The following LARS2 variants were observed in gnomAD, a reference collection of about 807,000 sequenced individuals.
The protein encoded by LARS2 is leucyl-tRNA synthetase 2, mitochondrial, also known as leucine--tRNA ligase, mitochondrial.
Under a neutral mutation model 116.6 loss-of-function variants are expected in LARS2, and 81 were observed. The ratio of observed to expected loss-of-function variants is 0.69; its 90% CI spans 0.58 to 0.84. The LOEUF (loss-of-function observed/expected upper bound fraction) is 0.84, where lower values mean the gene tolerates loss of function less well. Ranked by LOEUF, LARS2 falls within the 40% of genes least tolerant of loss-of-function variation. The pLI, the probability that LARS2 is intolerant of heterozygous loss-of-function variation, is 0.00. For missense variants in LARS2, 968 were observed against 1,114.5 expected (o/e 0.87, Z 1.87); for synonymous variants, 396 against 407.2 (o/e 0.97, Z 0.33).
chr3:45,402,739 T>A (rs1268364275), intron 4 of LARS2, among the ~76,000 whole-genome samples: 1 of 152,218 alleles, frequency 6.6e-6, no homozygotes, highest in Non-Finnish European at 1.5e-5. Context: ...AGGGTGTTTG[T>A]CTCTCTGGTT....
At chr3:45,398,806 G>A (rs1316488310) in intron 3 of LARS2, among the ~76,000 whole-genome samples, 2 of 152,180 alleles carry the variant, frequency 1.3e-5, no homozygotes, top group African/African-American at 2.4e-5. Flanking sequence ...TGGCACTGGG[G>A]GCAGACGTGG....
chr3:45,531,503 A>G (rs557582504), intron 20 of LARS2, among the ~76,000 whole-genome samples: 17 of 151,850 alleles, frequency 1.1e-4, no homozygotes, highest in Non-Finnish European at 1.9e-4. Flanking sequence ...TCAGCCTCCC[A>G]AGTAGCTGGG....
chr3:45,417,382 G>A, intron 4 of LARS2, 100 bp from the exon 5 acceptor site: 1 of 865,524 alleles, frequency 1.2e-6, no homozygotes, highest in South Asian at 1.5e-5. Context: ...CAAAAGATAA[G>A]GCATGTTAGC....
chr3:45,532,797 A>G (rs1162894786), intron 20 of LARS2, among the ~76,000 whole-genome samples: 1 of 152,064 alleles, frequency 6.6e-6, no homozygotes, highest in Non-Finnish European at 1.5e-5. Flanking sequence ...ACGTGCCACC[A>G]TGCCCGGCTA....
chr3:45,466,637 CTTA>C (rs1575272986), intron 8 of LARS2, among the ~76,000 whole-genome samples: 1 of 152,142 alleles, frequency 6.6e-6, no homozygotes, highest in Admixed American at 6.5e-5. Context: ...CAGCCCACAT[CTTA>C]TTATATAATT....
intron 15 of LARS2, among the ~76,000 whole-genome samples, chr3:45,508,747 T>C (rs1700235231): frequency 6.6e-6 from 1 of 152,108 alleles, no homozygotes; most frequent in South Asian, 2.1e-4. Context: ...ATTCCTTGTA[T>C]ATAGTGATTT....
intron 21 of LARS2, among the ~76,000 whole-genome samples, chr3:45,543,105 C>T (rs557652064): frequency 6.6e-6 from 1 of 152,334 alleles, no homozygotes; most frequent in Non-Finnish European, 1.5e-5. Context: ...GCCCCTTTGT[C>T]TCTGCACCAA....
chr3:45,462,037 G>C (rs1699334299), intron 8 of LARS2, among the ~76,000 whole-genome samples: 1 of 152,204 alleles, frequency 6.6e-6, no homozygotes, highest in Non-Finnish European at 1.5e-5. Context: ...AGTTAGTGAA[G>C]AAGTCCTGCT....
Position 45,547,405 on chromosome 3 carries a change from C to T in LARS2, c.2587C>T (p.Gln863Ter), listed in dbSNP as rs774649430. ...IPVPQQVARDQDKVHEFVLQS... is the reference protein window; with the variant it reads ...IPVPQQVARD ...TGTGCCCCAACAAGTTGCCCGGGAC[C>T]AGGACAAAGTCCACGAATTTGTTCT... Residue 863 changes from glutamine (Q) to a stop codon, truncating the protein, a stop_gained, in exon 22 of 22, where the codon CAG (glutamine) becomes TAG (stop). Coordinates refer to ENST00000645846, the MANE Select transcript of LARS2 (RefSeq NM_015340.4). LOFTEE classifies it high-confidence loss of function. 2 of 1,613,502 alleles carry T rather than the reference C, an allele frequency of 1.2e-6. No homozygotes were observed. Among genetic ancestry groups the T allele is most frequent in the Non-Finnish European group, 1.7e-6 (2 of 1,179,794 alleles).
At chr3:45,512,893 T>TG (rs1700310140) in intron 15 of LARS2, among the ~76,000 whole-genome samples, 1 of 152,184 alleles carries the variant, frequency 6.6e-6, no homozygotes, top group Admixed American at 6.5e-5. Flanking sequence ...GGCTCACACC[T>TG]GTAATCCCAG....
At chr3:45,439,770 C>T (rs550997776) in intron 6 of LARS2, among the ~76,000 whole-genome samples, 71 of 151,922 alleles carry the variant, frequency 4.7e-4, no homozygotes, top group Non-Finnish European at 8.2e-4. Flanking sequence ...GCATAGTGGT[C>T]GGAGTACCCT....
At chr3:45,436,029 A>G (rs1285239149) in intron 6 of LARS2, among the ~76,000 whole-genome samples, 2 of 152,154 alleles carry the variant, frequency 1.3e-5, no homozygotes, top group African/African-American at 4.8e-5. Flanking sequence ...TGATTTTTCC[A>G]AGTTTAGAGT....
intron 10 of LARS2, among the ~76,000 whole-genome samples, chr3:45,479,404 C>T (rs780252209): frequency 6.6e-6 from 1 of 151,862 alleles, no homozygotes; most frequent in Non-Finnish European, 1.5e-5. Context: ...AAAGAGATGG[C>T]GAGGCCCCCA....
At chr3:45,427,576 T>TA (rs1698615147) in intron 6 of LARS2, among the ~76,000 whole-genome samples, 1 of 152,186 alleles carries the variant, frequency 6.6e-6, no homozygotes, top group Non-Finnish European at 1.5e-5. Flanking sequence ...ATACAAGACT[T>TA]ACTTTTAATA....
At chr3:45,510,292 T>C (rs1337121501) in intron 15 of LARS2, among the ~76,000 whole-genome samples, 1 of 151,990 alleles carries the variant, frequency 6.6e-6, no homozygotes, top group Admixed American at 6.6e-5. Context: ...TGCGCGCCTG[T>C]GGTCCCAGCT....
At chr3:45,441,273 C>T (rs542502361) in intron 6 of LARS2, among the ~76,000 whole-genome samples, 1 of 152,282 alleles carries the variant, frequency 6.6e-6, no homozygotes, top group Non-Finnish European at 1.5e-5. Flanking sequence ...GATCTGACTG[C>T]CTTGGCCTCC....
intron 8 of LARS2, among the ~76,000 whole-genome samples, chr3:45,471,244 A>C (rs766882396): frequency 3.9e-5 from 6 of 152,206 alleles, no homozygotes; most frequent in South Asian, 2.1e-4. Flanking sequence ...CCTGTTCATC[A>C]GAAAACAGTC....
At chr3:45,443,555 G>A (rs1464208076) in intron 6 of LARS2, among the ~76,000 whole-genome samples, 1 of 152,106 alleles carries the variant, frequency 6.6e-6, no homozygotes, top group African/African-American at 2.4e-5. Flanking sequence ...ATTACTGAAG[G>A]TCGGTCGGTG....
intron 16 of LARS2, among the ~76,000 whole-genome samples, chr3:45,514,962 A>C (rs1575306786): frequency 6.6e-6 from 1 of 152,126 alleles, no homozygotes; most frequent in Admixed American, 6.5e-5. Flanking sequence ...GGGTGAGAAT[A>C]CTTTGATCAG....
Sources: allele counts gnomAD v4.1 joint callset (sites outside exome capture counted in the v4.1 genomes callset), GRCh38; gene constraint gnomAD v4.1.1; transcripts MANE v1.5; gene names NCBI Gene and HGNC (gene_info 2026-07-23, HGNC 2026-07-21).